PINK1: variants seen among roughly 807,000 people sequenced by gnomAD.
PINK1 encodes PTEN induced kinase 1, also known as serine/threonine-protein kinase PINK1, mitochondrial.
PINK1 carries 58 observed loss-of-function variants against 56.0 expected under a neutral mutation model. The observed-to-expected ratio is 1.04, with a 90% CI of 0.84 to 1.29. The LOEUF (loss-of-function observed/expected upper bound fraction) is 1.29, where lower values mean the gene tolerates loss of function less well. Ranked by LOEUF, PINK1 falls within the 50% of genes most tolerant of loss-of-function variation. The probability of loss-of-function intolerance (pLI) is 0.00; values close to 1 mark genes in which losing one functional copy is unlikely to be tolerated. For synonymous variants in PINK1, 354 were observed against 339.3 expected, an observed-to-expected ratio of 1.04 and a Z score of -0.48; for missense variants, 745 against 777.9, an observed-to-expected ratio of 0.96 and a Z score of 0.50.
chr1:20,642,090 G>A (rs959002939), intron 3 of PINK1, among the ~76,000 whole-genome samples: 9 of 152,168 alleles, frequency 5.9e-5, no homozygotes, highest in African/African-American at 1.2e-4. Flanking sequence ...CAGGAGCAGC[G>A]CGTGGGCACA....
In PINK1 at chr1:20,649,821, G is replaced by A. The variant is rs182621946; in HGVS notation, c.1488+590G>A. On this transcript the variant is annotated intron_variant, in intron 7 of 7. Coordinates refer to ENST00000321556, the MANE Select transcript of PINK1 (RefSeq NM_032409.3). Reference sequence around the variant, plus strand: ...GAGAGAGAAAAGGAGGCATTTTTGAGAAATGTTTAATGGAGATGTAGCTCA... The same window carrying A: ...GAGAGAGAAAAGGAGGCATTTTTGAAAAATGTTTAATGGAGATGTAGCTCA... The A allele has an allele frequency of 1.1e-3, 174 of 160,946 alleles. 1 individual carries two copies. The highest frequency in any genetic ancestry group is 4.0e-3 in the African/African-American group (162 of 40,778). The allele number at this position is 160,946 out of a possible 1,614,324, so 10.0% of individuals were successfully genotyped here.
At chr1:20,649,492 C>T (rs1251285641) in intron 7 of PINK1, 8 of 487,370 alleles carry the variant, frequency 1.6e-5, no homozygotes, top group Non-Finnish European at 2.6e-5. Flanking sequence ...AGGCCAGACA[C>T]GGTGGCTTAC....
intron 2 of PINK1, 108 bp downstream of exon 2, chr1:20,638,237 C>A: frequency 7.4e-7 from 1 of 1,352,084 alleles, no homozygotes; most frequent in Admixed American, 2.0e-5. Flanking sequence ...ACAGATTATC[C>A]ACAGGAAAGG....
rs142866598 is a variant in PINK1, at chr1:20,644,652, G to A, written c.939G>A (p.Thr313=). 15 of 1,614,092 alleles carry A rather than the reference G, an allele frequency of 9.3e-6. No homozygotes were observed. The highest frequency in any genetic ancestry group is 2.7e-5 in the African/African-American group (2 of 74,948). ...LHPEGLGHGR[T]LFLVMKNYPC... ...CTGAAGGCCTGGGCCATGGCCGGAC[G>A]CTGTTCCTCGTTATGAAGAAGTAAG... Residue 313 remains threonine (T), a synonymous_variant, in exon 4 of 8, where the codon ACG becomes ACA. Coordinates refer to ENST00000321556, the MANE Select transcript of PINK1 (RefSeq NM_032409.3).
At chr1:20,650,175 C>T in intron 7 of PINK1, 1 of 550,646 alleles carries the variant, frequency 1.8e-6, no homozygotes, top group East Asian at 3.2e-5. Flanking sequence ...GCACAAGAGG[C>T]ACTAGGCTTT....
Position 20,646,992 on chromosome 1 carries a change from GCCTCCGCCT to G in PINK1, c.1123+1273_1123+1281del, listed in dbSNP as rs201416712. Among the ~76,000 whole-genome samples, 25 of 151,074 alleles carry G rather than the reference GCCTCCGCCT, an allele frequency of 1.7e-4. No individual in the cohort carries two copies. The East Asian group carries it at 4.7e-3, about 28-fold the overall frequency. On this transcript the variant is annotated intron_variant, in intron 5 of 7. Transcript: ENST00000321556. ...CTTCCCAGGTTCAAGCAATTCTCGT[GCCTCCGCCT>G]CCTGAGTAGCTAGGATTACAGGCAG...
At position 20,633,933 on chromosome 1, in the gene PINK1, C is replaced by G. The variant is rs777146957; in HGVS notation, c.385C>G (p.Gln129Glu). 19 of 1,583,638 alleles carry G rather than the reference C, an allele frequency of 1.2e-5. No individual in the cohort carries two copies. The South Asian group carries it at 2.1e-4, about 17-fold the overall frequency. ...RRAVSACQEI[Q>E]AIFTQKSKPG... ...GGCGGTCTCGGCCTGTCAGGAGATC[C>G]AGGTGAGCGGGGCCGGGTCCTAAGC... The change falls in exon 1 of 8, where the codon CAG becomes GAG. Residue 129 changes from glutamine to glutamate, a missense_variant and splice_region_variant. Gln to Glu is a conservative substitution (Grantham distance 29, BLOSUM62 2). Transcript: ENST00000321556.
Position 20,641,649 on chromosome 1 carries a change from C to T in PINK1, c.776+1657C>T, listed in dbSNP as rs2053116673. 6.6e-6 allele frequency among the ~76,000 whole-genome samples: 1 copy of T among 152,066 alleles called. No homozygotes were observed. The highest frequency in any genetic ancestry group is 2.4e-5 in the African/African-American group (1 of 41,406). On this transcript the variant is annotated intron_variant, in intron 3 of 7. Coordinates refer to ENST00000321556, the MANE Select transcript of PINK1 (RefSeq NM_032409.3). This position sits in a 1 kb window ranked among gnomAD's most constrained non-coding sequence, Gnocchi z 4.0. ...TTGGGAGAAGCTTTCCCAAGAACAC[C>T]CTGGGTTCATTTCCTCCTAGCCTCT...
chr1:20,645,624 A>G lies in PINK1; in HGVS notation c.1024A>G (p.Met342Val), dbSNP rs753186891. 6.2e-7 allele frequency: 1 copy of G among 1,614,064 alleles called. No homozygotes were observed. The highest frequency in any genetic ancestry group is 8.5e-7 in the Non-Finnish European group (1 of 1,180,012). ...NTPSPRLAAM[M>V]LLQLLEGVDH... The stretch of plus-strand genomic sequence containing the variant: ...ACCCAGCCCCCGCCTCGCCGCCATG[A>G]TGCTGCTGCAGCTGCTGGAAGGCGT... The change falls in exon 5 of 8, where the codon ATG becomes GTG. Residue 342 changes from methionine (M) to valine (V), a missense_variant. Physicochemically the swap from Met to Val is conservative, Grantham distance 21. Transcript: ENST00000321556.
At chr1:20,648,337 C>G in intron 5 of PINK1, 168 bp from the exon 6 acceptor site, 2 of 935,656 alleles carry the variant, frequency 2.1e-6, no homozygotes, top group Non-Finnish European at 3.3e-6. Flanking sequence ...CGTGTTCGCA[C>G]AGCAGGCCCT....
chr1:20,645,081 A>C (rs904361610), intron 4 of PINK1, among the ~76,000 whole-genome samples: 6 of 152,180 alleles, frequency 3.9e-5, no homozygotes, highest in Non-Finnish European at 8.8e-5. Context: ...CCCAACTCTT[A>C]CTTCCTAATT....
chr1:20,636,918 T>G (rs966906670), intron 1 of PINK1, among the ~76,000 whole-genome samples: 1 of 152,184 alleles, frequency 6.6e-6, no homozygotes, highest in Non-Finnish European at 1.5e-5. Flanking sequence ...CAGACCAGCC[T>G]GGCAGCAGCC....
rs549051641 is a variant in PINK1, at chr1:20,636,474, TG to T, written c.388-1365del. On this transcript the variant is annotated intron_variant, in intron 1 of 7. Coordinates refer to ENST00000321556, the MANE Select transcript of PINK1 (RefSeq NM_032409.3). ...CTTCTGCCTCAGCCTCCTGAGTAGC[TG>T]GGATTACATGTGCACACCACCACAC... Among the ~76,000 whole-genome samples the T allele has an allele frequency of 2.7e-3, 418 of 152,106 alleles. 1 individual carries two copies. The highest frequency in any genetic ancestry group is 9.4e-3 in the African/African-American group (391 of 41,506).
In PINK1 at chr1:20,648,649, T is replaced by TCATGCGC; in HGVS notation, c.1251+21_1251+27dup. ...GCCCCAGAGGTGAGTCCCGAGTGTG[T>TCATGCGC]CATGCGCCATCGGCAGCCCTTCCCC... is the stretch of plus-strand genomic sequence containing the variant. On this transcript the variant is annotated intron_variant, in intron 6 of 7. Coordinates refer to ENST00000321556, the MANE Select transcript of PINK1 (RefSeq NM_032409.3). The TCATGCGC allele has an allele frequency of 6.2e-7, 1 of 1,612,858 alleles. No individual in the cohort carries two copies. Among genetic ancestry groups the TCATGCGC allele is most frequent in the Non-Finnish European group, 8.5e-7 (1 of 1,179,970 alleles).
At chr1:20,647,957 A>AC (rs1424910933) in intron 5 of PINK1, among the ~76,000 whole-genome samples, 1 of 151,906 alleles carries the variant, frequency 6.6e-6, no homozygotes, top group Non-Finnish European at 1.5e-5. Flanking sequence ...GGATACAGGC[A>AC]CACACCACCA....
At chr1:20,643,107 C>T (rs2053134699) in intron 3 of PINK1, 1 of 152,368 alleles carries the variant, frequency 6.6e-6, no homozygotes, top group South Asian at 2.1e-4. Flanking sequence ...GTGGCTTCCT[C>T]TCCACTGCAG....
chr1:20,634,170 A>G lies in PINK1; in HGVS notation c.387+235A>G, dbSNP rs143576353. ...TTCCTCAAATGAAGACATGTTGCCG[A>G]TTACAGCTCCTGTCGCAGCACAGCA... On this transcript the variant is annotated intron_variant, in intron 1 of 7. Coordinates refer to ENST00000321556, the MANE Select transcript of PINK1 (RefSeq NM_032409.3). Among the ~76,000 whole-genome samples the G allele has an allele frequency of 4.1e-4, 63 of 152,354 alleles. No homozygotes were observed. The East Asian group carries it at 6.6e-3, about 16-fold the overall frequency.
chr1:20,637,796 C>T (rs748500727), intron 1 of PINK1, 46 bp from the exon 2 acceptor site: 3 of 1,608,310 alleles, frequency 1.9e-6, no homozygotes, highest in African/African-American at 1.3e-5. Context: ...TTTTCTTGGG[C>T]CTTCCTAGGC....
intron 5 of PINK1, among the ~76,000 whole-genome samples, chr1:20,647,861 GCTCAGGCTGAAGTGATTCTCCTGT>G (rs1162249056): frequency 6.6e-6 from 1 of 151,900 alleles, no homozygotes; most frequent in Admixed American, 6.6e-5. Context: ...TCGCTGTGTT[GCTCAGGCTGAAGTGATTCTCCTGT>G]CTCAGCCTCC....
Sources: allele counts gnomAD v4.1 joint callset (sites outside exome capture counted in the v4.1 genomes callset), GRCh38; gene constraint gnomAD v4.1.1; non-coding constraint Gnocchi (gnomAD v3.1); transcripts MANE v1.5; gene names NCBI Gene and HGNC (gene_info 2026-07-23, HGNC 2026-07-21).